Variants in OR1B1 observed in about 807,000 individuals in gnomAD.
The protein encoded by OR1B1 is olfactory receptor 1B1.
For synonymous variants in OR1B1, 168 were observed against 156.2 expected (o/e 1.08, Z -0.57); for missense variants, 414 against 402.1 (o/e 1.03, Z -0.25).
the OR1B1 span, among the ~76,000 whole-genome samples, chr9:122,643,135 T>C: frequency 6.6e-6 from 1 of 152,110 alleles, no homozygotes; most frequent in African/African-American, 2.4e-5. Context: ...AGAAAAGCAC[T>C]GACACAAGAA....
the OR1B1 span, among the ~76,000 whole-genome samples, chr9:122,655,660 G>A: frequency 6.7e-6 from 1 of 148,922 alleles, no homozygotes; most frequent in African/African-American, 2.5e-5. Flanking sequence ...GACACAGGGA[G>A]GGGAATGACA....
chr9:122,639,770 T>C, the OR1B1 span: 1 of 149,204 alleles, frequency 6.7e-6, no homozygotes, highest in Non-Finnish European at 1.5e-5. Context: ...AATATATATT[T>C]ATATATATTT....
At chr9:122,638,527 C>T in the OR1B1 span, among the ~76,000 whole-genome samples, 1 of 152,166 alleles carries the variant, frequency 6.6e-6, no homozygotes, top group Non-Finnish European at 1.5e-5. Context: ...ACACATTCAG[C>T]ACCAGGATAC....
At chr9:122,649,321 C>A in the OR1B1 span, among the ~76,000 whole-genome samples, 1 of 152,142 alleles carries the variant, frequency 6.6e-6, no homozygotes, top group South Asian at 2.1e-4. Flanking sequence ...CTAGGCAATA[C>A]CATTCAGGAC....
the OR1B1 span, among the ~76,000 whole-genome samples, chr9:122,655,811 A>G: frequency 1.3e-5 from 2 of 151,750 alleles, no homozygotes; most frequent in Non-Finnish European, 2.9e-5. Context: ...AAAACTGCAC[A>G]TCCTGCACAT....
upstream of OR1B1, among the ~76,000 whole-genome samples, chr9:122,632,420 A>C (rs971676087): frequency 3.3e-5 from 5 of 152,204 alleles, no homozygotes; most frequent in African/African-American, 1.2e-4. Flanking sequence ...GTTCTTTTAA[A>C]AATTTTTCTC....
At chr9:122,650,436 T>G in the OR1B1 span, among the ~76,000 whole-genome samples, 1 of 150,982 alleles carries the variant, frequency 6.6e-6, no homozygotes, top group East Asian at 1.9e-4. Flanking sequence ...ATATAATATA[T>G]TTATATATAG....
the OR1B1 span, among the ~76,000 whole-genome samples, chr9:122,646,473 C>G: frequency 6.6e-6 from 1 of 151,426 alleles, no homozygotes; most frequent in African/African-American, 2.4e-5. Context: ...CCTATAAAGA[C>G]ACACCTAGGC....
chr9:122,653,817 A>G, the OR1B1 span, among the ~76,000 whole-genome samples: 6 of 152,342 alleles, frequency 3.9e-5, no homozygotes, highest in East Asian at 1.2e-3. Context: ...CAGACAGTAG[A>G]GAAAGAGCTC....
the OR1B1 span, among the ~76,000 whole-genome samples, chr9:122,651,263 A>G: frequency 1.3e-5 from 2 of 152,238 alleles, no homozygotes; most frequent in African/African-American, 4.8e-5. Context: ...TATAGTGATC[A>G]GATCAGGGTA....
the OR1B1 span, among the ~76,000 whole-genome samples, chr9:122,647,623 T>C: frequency 5.9e-5 from 9 of 152,340 alleles, no homozygotes; most frequent in Admixed American, 5.2e-4. Flanking sequence ...TAATTGTTTT[T>C]GTTGCTGCCA....
the OR1B1 span, among the ~76,000 whole-genome samples, chr9:122,654,869 T>G: frequency 3.9e-4 from 60 of 152,350 alleles, no homozygotes; most frequent in Non-Finnish European, 7.1e-4. Flanking sequence ...TAAGGCTAAA[T>G]AATATAGCAC....
upstream of OR1B1, among the ~76,000 whole-genome samples, chr9:122,633,316 C>G (rs766494262): frequency 3.3e-5 from 5 of 152,106 alleles, no homozygotes; most frequent in Non-Finnish European, 5.9e-5. Context: ...GGACTGAAGA[C>G]CTAAACACAA....
chr9:122,638,937 C>A, the OR1B1 span, among the ~76,000 whole-genome samples: 2 of 152,158 alleles, frequency 1.3e-5, no homozygotes, highest in African/African-American at 2.4e-5. Context: ...TATATTTCCC[C>A]AGCCTCAGAA....
chr9:122,640,363 C>A, the OR1B1 span, among the ~76,000 whole-genome samples: 1 of 152,138 alleles, frequency 6.6e-6, no homozygotes. Context: ...AGTTCTAGAT[C>A]CTGGTCATGA....
the OR1B1 span, among the ~76,000 whole-genome samples, chr9:122,654,085 T>C: frequency 1.9e-4 from 29 of 152,060 alleles, no homozygotes; most frequent in Admixed American, 1.5e-3. Flanking sequence ...TCACCAACTA[T>C]GTGAAAAGGG....
chr9:122,646,959 T>C, the OR1B1 span, among the ~76,000 whole-genome samples: 2 of 152,218 alleles, frequency 1.3e-5, no homozygotes, highest in Non-Finnish European at 2.9e-5. Flanking sequence ...ATTCGTTTTC[T>C]TTTTGCGTGT....
At chr9:122,637,154 C>T in the OR1B1 span, 14 of 152,064 alleles carry the variant, frequency 9.2e-5, no homozygotes, top group Non-Finnish European at 2.1e-4. Flanking sequence ...AGGGATGCGA[C>T]TGTCTTCATC....
At chr9:122,643,743 A>G in the OR1B1 span, among the ~76,000 whole-genome samples, 1 of 152,236 alleles carries the variant, frequency 6.6e-6, no homozygotes, top group South Asian at 2.1e-4. Flanking sequence ...AATGAAGAGT[A>G]AAGAGGACTT....
Sources: allele counts gnomAD v4.1 joint callset (sites outside exome capture counted in the v4.1 genomes callset), GRCh38; gene constraint gnomAD v4.1.1; transcripts MANE v1.5; gene names NCBI Gene and HGNC (gene_info 2026-07-23, HGNC 2026-07-21).